Variants in LY9 observed in about 807,000 individuals in gnomAD.
The protein encoded by LY9 is lymphocyte antigen 9, also known as T-lymphocyte surface antigen Ly-9.
LY9 carries 59 observed loss-of-function variants against 64.6 expected under a neutral mutation model. The observed-to-expected ratio is 0.91, with a 90% CI of 0.74 to 1.13. The LOEUF is 1.13. LY9 is among the 50% of genes most tolerant of loss of function. The pLI is 0.00. For synonymous variants in LY9, 281 were observed against 308.5 expected (o/e 0.91, Z 0.93); for missense variants, 789 against 797.2 (o/e 0.99, Z 0.12).
intron 1 of LY9, among the ~76,000 whole-genome samples, chr1:160,797,473 CT>C (rs1666003107): frequency 6.6e-6 from 1 of 152,178 alleles, no homozygotes; most frequent in African/African-American, 2.4e-5. Context: ...TTATGTTTAC[CT>C]CCAACCTTTG....
At chr1:160,819,551 A>G (rs1396446102) in intron 7 of LY9, among the ~76,000 whole-genome samples, 177 bp downstream of exon 7, 1 of 152,078 alleles carries the variant, frequency 6.6e-6, no homozygotes, top group Non-Finnish European at 1.5e-5. Flanking sequence ...GCACTTCGGG[A>G]GGCTGAGGCA....
intron 1 of LY9, chr1:160,797,154 C>G (rs1477885445): frequency 1.0e-6 from 1 of 985,420 alleles, no homozygotes; most frequent in Non-Finnish European, 1.2e-6. Flanking sequence ...GCCCGGAACC[C>G]CACTGTCCAG....
rs1665847018 is a variant in LY9, at chr1:160,796,277, T to C, written c.90T>C (p.Ser30=). The change falls in exon 1 of 10, where the codon TCT becomes TCC. Residue 30 remains serine, a synonymous_variant. Coordinates refer to ENST00000263285, the MANE Select transcript of LY9 (RefSeq NM_002348.4). ...PQRSQLQIFS[S]VLQTSLLFLL... is the part of the protein sequence containing the mutation. ...GGAGTCAGCTGCAAATATTCTCTTCTGTTCTACAGACCTCTCTCCTCTTCC... is the reference window on the plus strand; with the variant it reads ...GGAGTCAGCTGCAAATATTCTCTTCCGTTCTACAGACCTCTCTCCTCTTCC... 2 of 1,613,802 alleles carry C rather than the reference T, an allele frequency of 1.2e-6. No individual in the cohort carries two copies. Among genetic ancestry groups the C allele is most frequent in the Non-Finnish European group, 1.7e-6 (2 of 1,179,988 alleles).
chr1:160,824,280 G>C (rs1668718190), intron 9 of LY9, 31 bp downstream of exon 9: 12 of 1,613,470 alleles, frequency 7.4e-6, no homozygotes, highest in Non-Finnish European at 1.0e-5. Flanking sequence ...TGTATCCCAA[G>C]GCCCACAGAG....
intron 9 of LY9, among the ~76,000 whole-genome samples, chr1:160,825,612 T>C (rs1668808967): frequency 6.6e-6 from 1 of 152,168 alleles, no homozygotes; most frequent in Non-Finnish European, 1.5e-5. Flanking sequence ...AAAAAAATAT[T>C]TTTTAAAAAA....
rs141262105 is a variant in LY9, at chr1:160,813,581, C to T, written c.455-55C>T. 26 of 1,563,360 alleles carry T rather than the reference C, an allele frequency of 1.7e-5. 2 individuals carry two copies. Among genetic ancestry groups the T allele is most frequent in the South Asian group, 7.2e-5 (6 of 83,068 alleles). On this transcript the variant is annotated intron_variant, in intron 2 of 9. Coordinates refer to ENST00000263285, the MANE Select transcript of LY9 (RefSeq NM_002348.4). The stretch of plus-strand genomic sequence containing the variant: ...TATTGTCACTCCCTTCTTCTCTCAG[C>T]GCTTTCCTGCTGGCAAAAGGATCTG...
intron 2 of LY9, chr1:160,802,076 G>T: frequency 8.0e-7 from 1 of 1,245,122 alleles, no homozygotes; most frequent in South Asian, 1.7e-5. Flanking sequence ...CCACCCACCC[G>T]CCGCCTCCCA....
chr1:160,824,339 T>A (rs1668722825), intron 9 of LY9, 90 bp downstream of exon 9: 1 of 1,570,676 alleles, frequency 6.4e-7, no homozygotes, highest in Non-Finnish European at 8.6e-7. Flanking sequence ...GAGATTCCCA[T>A]GGCTAAGGAT....
Position 160,802,579 on chromosome 1 carries a change from A to T in LY9, c.454+2497A>T, listed in dbSNP as rs985925149. On this transcript the variant is annotated intron_variant, in intron 2 of 9. Transcript: ENST00000263285. ...GGTTCAAATTGCTGCTCAGATTTTT[A>T]AATTTACTGTAGCTGCCAGTGTACA... The T allele has an allele frequency of 6.1e-6, 6 of 985,452 alleles. No individual in the cohort carries two copies. The African/African-American group carries it at 8.7e-5, about 14-fold the overall frequency. The allele number at this position is 985,452 out of a possible 1,614,324, so 61.0% of individuals were successfully genotyped here.
intron 2 of LY9, 89 bp from the exon 3 acceptor site, chr1:160,813,547 C>A: frequency 6.6e-6 from 9 of 1,356,058 alleles, no homozygotes; most frequent in Non-Finnish European, 9.1e-6. Flanking sequence ...CTGCTGCCCC[C>A]AACTCCCCTA....
chr1:160,813,275 G>T (rs181878515), intron 2 of LY9: 4 of 255,372 alleles, frequency 1.6e-5, no homozygotes, highest in Admixed American at 5.0e-5. Flanking sequence ...GTTTGGGGCT[G>T]GGCCATTCAC....
chr1:160,800,739 C>T (rs1417776909), intron 2 of LY9, among the ~76,000 whole-genome samples: 1 of 152,152 alleles, frequency 6.6e-6, no homozygotes, highest in Non-Finnish European at 1.5e-5. Context: ...TCCATTATTC[C>T]TACTCTGTAT....
At chr1:160,797,466 T>C (rs528251178) in intron 1 of LY9, among the ~76,000 whole-genome samples, 6 of 152,358 alleles carry the variant, frequency 3.9e-5, no homozygotes, top group African/African-American at 9.6e-5. Flanking sequence ...AGGCTGTTTA[T>C]GTTTACCTCC....
chr1:160,813,222 C>T (rs748887624), intron 2 of LY9: 16 of 193,898 alleles, frequency 8.3e-5, no homozygotes, highest in East Asian at 1.3e-4. Flanking sequence ...ACCAAAGACA[C>T]GGGCAACTCA....
chr1:160,796,321 C>A lies in LY9; in HGVS notation c.124+10C>A, dbSNP rs761310601. 5.6e-6 allele frequency: 9 copies of A among 1,610,432 alleles called. No individual in the cohort carries two copies. On this transcript the variant is annotated intron_variant, in intron 1 of 9. Transcript: ENST00000263285. The stretch of plus-strand genomic sequence containing the variant: ...CTCTTCCTGCTCATGGGTAAGTCCA[C>A]TTTATGGCCACCACTTCTTGCTACT...
intron 2 of LY9, chr1:160,801,932 C>T: frequency 1.2e-6 from 2 of 1,612,134 alleles, no homozygotes; most frequent in South Asian, 2.2e-5. Flanking sequence ...TCGCCCCCAC[C>T]TGCCACTGGA....
intron 7 of LY9, 147 bp downstream of exon 7, chr1:160,819,521 G>C: frequency 1.5e-6 from 1 of 660,094 alleles, no homozygotes; most frequent in Non-Finnish European, 2.7e-6. Flanking sequence ...CAGGTGCCGT[G>C]GCTCACACCT....
chr1:160,822,591 A>G (rs1571058996), intron 7 of LY9, among the ~76,000 whole-genome samples: 2 of 152,198 alleles, frequency 1.3e-5, no homozygotes, highest in East Asian at 3.8e-4. Context: ...GCTTTTCAAT[A>G]AAAAGAAAAG....
intron 2 of LY9, among the ~76,000 whole-genome samples, chr1:160,804,628 A>G (rs1666805748): frequency 6.6e-6 from 1 of 151,822 alleles, no homozygotes; most frequent in African/African-American, 2.4e-5. Flanking sequence ...AATTCCCCCC[A>G]CTTTGATTTT....
Sources: gnomAD v4.1 joint callset for allele counts (sites outside exome capture counted in the v4.1 genomes callset) on GRCh38, gnomAD v4.1.1 for gene constraint, MANE v1.5 for transcripts, NCBI Gene and HGNC (gene_info 2026-07-23, HGNC 2026-07-21) for gene names.